The following NUFIP1 variants were observed in gnomAD, a reference collection of about 807,000 sequenced individuals.
NUFIP1 encodes nuclear FMR1 interacting protein 1.
A neutral mutation model predicts 56.2 loss-of-function variants in NUFIP1; 38 were observed. The observed-to-expected ratio is 0.68, with a 90% CI of 0.52 to 0.89. NUFIP1 has a LOEUF of 0.89. Ranked by LOEUF, NUFIP1 falls within the 40% of genes least tolerant of loss-of-function variation. NUFIP1 has a pLI of 0.00. For synonymous variants in NUFIP1, 215 were observed against 212.4 expected, an observed-to-expected ratio of 1.01 and a Z score of -0.10; for missense variants, 567 against 605.8, an observed-to-expected ratio of 0.94 and a Z score of 0.67.
intron 6 of NUFIP1, among the ~76,000 whole-genome samples, chr13:44,961,144 T>TA (rs929266850): frequency 2.0e-5 from 3 of 151,836 alleles, no homozygotes; most frequent in African/African-American, 7.3e-5. Flanking sequence ...GGAAGACAGT[T>TA]AAAAAAAGGT....
intron 1 of NUFIP1, among the ~76,000 whole-genome samples, chr13:44,982,472 A>G (rs907088456): frequency 6.6e-6 from 1 of 152,148 alleles, no homozygotes; most frequent in Non-Finnish European, 1.5e-5. Flanking sequence ...AAAATCCCCA[A>G]CACTGCTCCT....
chr13:44,945,186 G>A (rs1870867715), intron 8 of NUFIP1, among the ~76,000 whole-genome samples: 1 of 151,744 alleles, frequency 6.6e-6, no homozygotes, highest in East Asian at 1.9e-4. Flanking sequence ...AATAAAAGAG[G>A]AGGACATCAT....
At chr13:44,987,138 G>A (rs1244837017) in intron 1 of NUFIP1, among the ~76,000 whole-genome samples, 1 of 152,136 alleles carries the variant, frequency 6.6e-6, no homozygotes, top group Non-Finnish European at 1.5e-5. Context: ...GCACTTTTCG[G>A]AGGCCAAGGA....
intron 7 of NUFIP1, among the ~76,000 whole-genome samples, chr13:44,958,341 C>T (rs879544461): frequency 3.3e-5 from 5 of 152,054 alleles, no homozygotes; most frequent in African/African-American, 4.8e-5. Context: ...GTAACAGTAA[C>T]GGTATATGTG....
Position 44,989,326 on chromosome 13 carries a change from C to G in NUFIP1, c.111G>C (p.Trp37Cys), listed in dbSNP as rs140855003. 4 of 1,613,118 alleles carry G rather than the reference C, an allele frequency of 2.5e-6. No homozygotes were observed. The African/African-American group carries it at 5.3e-5, about 22-fold the overall frequency. Residue 37 changes from tryptophan (W) to cysteine (C), a missense_variant, in exon 1 of 10, where the codon TGG becomes TGC. By Grantham distance (215) the Trp-to-Cys change is radical. Coordinates refer to ENST00000379161, the MANE Select transcript of NUFIP1 (RefSeq NM_012345.3). The part of the protein sequence containing the change: ...LSDTAPPRDS[W>C]MFWAMLPPPP... The stretch of plus-strand genomic sequence containing the variant: ...GTGGCGGCAGCATTGCCCAGAACAT[C>G]CAGCTGTCCCGCGGCGGGGCAGTGT...
chr13:44,984,337 TAC>T (rs1167540016), intron 1 of NUFIP1, among the ~76,000 whole-genome samples: 1 of 152,220 alleles, frequency 6.6e-6, no homozygotes, highest in Non-Finnish European at 1.5e-5. Context: ...GCATCTGCCA[TAC>T]AATAAACACT....
chr13:44,970,370 G>T (rs2096207687), intron 5 of NUFIP1, among the ~76,000 whole-genome samples: 1 of 152,148 alleles, frequency 6.6e-6, no homozygotes, highest in Non-Finnish European at 1.5e-5. Flanking sequence ...CAAAGATAAG[G>T]AAGCCATATG....
chr13:44,989,013 A>G lies in NUFIP1; in HGVS notation c.412+12T>C, dbSNP rs751906480. 1.2e-6 allele frequency: 2 copies of G among 1,613,056 alleles called. No individual in the cohort carries two copies. Among genetic ancestry groups the G allele is most frequent in the African/African-American group, 2.7e-5 (2 of 74,896 alleles). ...AGGTAAAGGGGTCGACTCACGTGGAAAAATAGCCTACCTGCAGGGTTGAAG... is the reference window on the plus strand; with the variant it reads ...AGGTAAAGGGGTCGACTCACGTGGAGAAATAGCCTACCTGCAGGGTTGAAG... On this transcript the variant is annotated intron_variant, in intron 1 of 9. Transcript: ENST00000379161.
At chr13:44,969,384 T>C (rs2137913135) in intron 5 of NUFIP1, among the ~76,000 whole-genome samples, 1 of 152,214 alleles carries the variant, frequency 6.6e-6, no homozygotes. Context: ...GTTCCTAAAG[T>C]ACAAGAAATA....
At chr13:44,986,127 T>C (rs931395635) in intron 1 of NUFIP1, among the ~76,000 whole-genome samples, 1 of 152,164 alleles carries the variant, frequency 6.6e-6, no homozygotes, top group Non-Finnish European at 1.5e-5. Context: ...GGATGAAAAG[T>C]TCTTGAAAGA....
intron 8 of NUFIP1, among the ~76,000 whole-genome samples, chr13:44,944,755 G>C (rs370384437): frequency 6.6e-6 from 1 of 151,852 alleles, no homozygotes; most frequent in African/African-American, 2.4e-5. Flanking sequence ...CAGAAAACTA[G>C]CTAGAAAACC....
intron 5 of NUFIP1, among the ~76,000 whole-genome samples, chr13:44,970,916 T>C (rs960688507): frequency 6.6e-6 from 1 of 152,168 alleles, no homozygotes; most frequent in Non-Finnish European, 1.5e-5. Context: ...CCCCAAGTGA[T>C]CTGCCTGCCT....
At chr13:44,956,011 C>T (rs1871223944) in intron 7 of NUFIP1, among the ~76,000 whole-genome samples, 2 of 151,522 alleles carry the variant, frequency 1.3e-5, no homozygotes, top group Admixed American at 6.6e-5. Context: ...GGCGAGGTGG[C>T]GGGCGCCTGT....
At chr13:44,943,833 GT>G (rs1028107408) in intron 8 of NUFIP1, among the ~76,000 whole-genome samples, 159 bp from the exon 9 acceptor site, 2 of 152,138 alleles carry the variant, frequency 1.3e-5, no homozygotes, top group African/African-American at 4.8e-5. Flanking sequence ...CATTTATAAT[GT>G]ATTCTAGTAT....
intron 1 of NUFIP1, 60 bp from the exon 2 acceptor site, chr13:44,982,214 A>G: frequency 1.3e-6 from 1 of 790,410 alleles, no homozygotes; most frequent in Non-Finnish European, 1.8e-6. Flanking sequence ...TTATAATTAA[A>G]TTTTATCTAC....
chr13:44,988,033 A>G (rs1177157373), intron 1 of NUFIP1, among the ~76,000 whole-genome samples: 2 of 152,090 alleles, frequency 1.3e-5, no homozygotes, highest in African/African-American at 4.8e-5. Context: ...CCGTACCCCT[A>G]TTCTCCCAGT....
chr13:44,965,970 T>C (rs1175308051), intron 5 of NUFIP1, 34 bp from the exon 6 acceptor site: 4 of 1,271,326 alleles, frequency 3.1e-6, no homozygotes, highest in African/African-American at 1.5e-5. Context: ...ATAATAGGGC[T>C]TTTAGAGTAC....
intron 5 of NUFIP1, among the ~76,000 whole-genome samples, chr13:44,970,544 A>G (rs1871766455): frequency 6.6e-6 from 1 of 152,248 alleles, no homozygotes; most frequent in South Asian, 2.1e-4. Context: ...CAAAGATCAA[A>G]TTCATGAAAT....
At chr13:44,948,416 AC>A (rs1870967654) in intron 8 of NUFIP1, among the ~76,000 whole-genome samples, 1 of 152,138 alleles carries the variant, frequency 6.6e-6, no homozygotes, top group Non-Finnish European at 1.5e-5. Context: ...TGTTGGGATT[AC>A]AGATGTGAGC....
Sources: gnomAD v4.1 joint callset for allele counts (sites outside exome capture counted in the v4.1 genomes callset) on GRCh38, gnomAD v4.1.1 for gene constraint, MANE v1.5 for transcripts, NCBI Gene and HGNC (gene_info 2026-07-23, HGNC 2026-07-21) for gene names.